The following RTN3 variants were observed in gnomAD, a reference collection of about 807,000 sequenced individuals.
RTN3 encodes the protein reticulon 3, also known as reticulon-3.
In RTN3, 49 loss-of-function variants were observed where a neutral mutation model predicts 77.8. The ratio of observed to expected loss-of-function variants is 0.63; its 90% CI spans 0.50 to 0.80. The LOEUF is 0.80. Ranked by LOEUF, RTN3 falls within the 30% of genes least tolerant of loss-of-function variation. The pLI is 0.00. For missense variants in RTN3, 1,236 were observed against 1,211.9 expected, an observed-to-expected ratio of 1.02 and a Z score of -0.29; for synonymous variants, 464 against 446.9, an observed-to-expected ratio of 1.04 and a Z score of -0.48.
At chr11:63,751,218 C>T (rs1452730070) in intron 4 of RTN3, among the ~76,000 whole-genome samples, 9 of 152,168 alleles carry the variant, frequency 5.9e-5, no homozygotes, top group East Asian at 3.8e-4. Context: ...CCTAGAGCAG[C>T]GCTCGGTTAG....
At chr11:63,750,265 T>A in intron 4 of RTN3, 67 bp downstream of exon 4, 1 of 1,323,026 alleles carries the variant, frequency 7.6e-7, no homozygotes, top group Non-Finnish European at 1.1e-6. Context: ...CTGATAGGTC[T>A]AAAACTCAGA....
chr11:63,750,123 C>G lies in RTN3; in HGVS notation c.2663C>G (p.Ser888Cys). 1.2e-6 allele frequency: 2 copies of G among 1,612,880 alleles called. No individual in the cohort carries two copies. The highest frequency in any genetic ancestry group is 1.7e-6 in the Non-Finnish European group (2 of 1,179,362). The change falls in exon 4 of 9, where the codon TCT (serine) becomes TGT (cysteine). Residue 888 changes from serine to cysteine, a missense_variant. By Grantham distance (112) the Ser-to-Cys change is moderately radical (BLOSUM62 -1). Around this residue, in one of 3 missense-constraint regions of RTN3, gnomAD observed 39 missense variants for 66.6 expected, o/e 0.59. Coordinates refer to ENST00000377819, the MANE Select transcript of RTN3 (RefSeq NM_001265589.2). ...VVSYLILALL[S>C]VTISFRIYKS... ...TCTTACCTCATCCTGGCTCTTCTCT[C>G]TGTCACCATCAGCTTCAGGATCTAC...
chr11:63,693,157 G>A (rs73492205), intron 1 of RTN3, among the ~76,000 whole-genome samples: 147 of 152,254 alleles, frequency 9.7e-4, no homozygotes, highest in African/African-American at 3.5e-3. Flanking sequence ...AAGAATGAGT[G>A]GAGAAACTCT....
intron 3 of RTN3, among the ~76,000 whole-genome samples, chr11:63,739,358 T>C (rs573708830): frequency 6.6e-6 from 1 of 152,346 alleles, no homozygotes; most frequent in East Asian, 1.9e-4. Context: ...CTTTTTATTT[T>C]TCCAGTACCT....
chr11:63,729,090 A>C (rs537467608), intron 3 of RTN3, among the ~76,000 whole-genome samples: 8 of 152,080 alleles, frequency 5.3e-5, no homozygotes, highest in African/African-American at 1.7e-4. Context: ...AACAAAAAAA[A>C]CAAAAAAACT....
At chr11:63,737,211 TAAAAAC>T (rs1463742515) in intron 3 of RTN3, among the ~76,000 whole-genome samples, 1 of 152,150 alleles carries the variant, frequency 6.6e-6, no homozygotes, top group East Asian at 1.9e-4. Flanking sequence ...TCTCTGAACA[TAAAAAC>T]TAAAACCAAA....
chr11:63,709,321 A>C (rs943315752), intron 2 of RTN3, among the ~76,000 whole-genome samples: 1 of 152,202 alleles, frequency 6.6e-6, no homozygotes, highest in Non-Finnish European at 1.5e-5. Context: ...TCAAAATCAA[A>C]CTGAAATTTT....
intron 4 of RTN3, among the ~76,000 whole-genome samples, chr11:63,750,641 G>A (rs891117704): frequency 6.6e-6 from 1 of 151,766 alleles, no homozygotes; most frequent in Non-Finnish European, 1.5e-5. Flanking sequence ...TACTAGATAC[G>A]GGGTTTCTCT....
chr11:63,735,510 C>G (rs1321966139), intron 3 of RTN3, among the ~76,000 whole-genome samples: 1 of 141,884 alleles, frequency 7.0e-6, no homozygotes, highest in Non-Finnish European at 1.5e-5. Flanking sequence ...TCACACTGAT[C>G]TATGGATTCA....
intron 1 of RTN3, among the ~76,000 whole-genome samples, chr11:63,685,347 T>C (rs1365526323): frequency 1.3e-5 from 2 of 151,126 alleles, no homozygotes; most frequent in Non-Finnish European, 2.9e-5. Flanking sequence ...AATACAAAAA[T>C]TAGCCGGGCA....
intron 1 of RTN3, among the ~76,000 whole-genome samples, chr11:63,688,677 A>T (rs749944142): frequency 5.3e-5 from 8 of 152,192 alleles, no homozygotes; most frequent in Non-Finnish European, 7.4e-5. Context: ...AGTGGCTGGT[A>T]AGAACCTCAG....
rs186295530 is a variant in RTN3 at position 63,755,776 on chromosome 11, G to A, written c.2995-336G>A. 6.3e-3 allele frequency among the ~76,000 whole-genome samples: 946 copies of A among 150,286 alleles called. 9 individuals are homozygous for A. The highest frequency in any genetic ancestry group is 0.021 in the African/African-American group (872 of 40,926). ...AGGTCGAGACCATCCTGGCTAACAC[G>A]GTGAAACCCCGTCTCTACTAAAAAT... On this transcript the variant is annotated intron_variant, in intron 7 of 8. Transcript: ENST00000377819.
chr11:63,755,251 C>T (rs1437646339), intron 7 of RTN3, among the ~76,000 whole-genome samples: 6 of 152,082 alleles, frequency 3.9e-5, no homozygotes, highest in Non-Finnish European at 7.4e-5. Context: ...AAATACTTAC[C>T]AAGTAAGACT....
At chr11:63,713,390 G>A (rs1039968286) in intron 2 of RTN3, among the ~76,000 whole-genome samples, 1 of 152,036 alleles carries the variant, frequency 6.6e-6, no homozygotes, top group Non-Finnish European at 1.5e-5. Context: ...GCTCACTGCA[G>A]CCTCGACCTC....
chr11:63,752,445 TACTGTGCTAACA>T, intron 4 of RTN3, 50 bp from the exon 5 acceptor site: 1 of 1,518,016 alleles, frequency 6.6e-7, no homozygotes. Context: ...TCTCAGTAAC[TACTGTGCTAACA>T]AAATCTTCTT....
intron 7 of RTN3, 114 bp downstream of exon 7, chr11:63,753,822 T>C: frequency 2.1e-6 from 2 of 967,804 alleles, no homozygotes; most frequent in Admixed American, 3.7e-5. Flanking sequence ...TTCTACAATC[T>C]AATTTTGTGA....
In RTN3 at chr11:63,681,553, C is replaced by T. The variant is rs543668001; in HGVS notation, c.-84C>T. 3.6e-6 allele frequency: 5 copies of T among 1,374,312 alleles called. No homozygotes were observed. The highest frequency in any genetic ancestry group is 2.7e-4 in the Middle Eastern group (1 of 3,726). 85.1% of individuals were successfully genotyped at this position (1,374,312 alleles called of 1,614,324 possible). A position where few individuals can be genotyped will look rare whatever the true frequency, so the allele number is the denominator to read the frequency against. ...GCGGAGTAAAGGGACTTGAGCGAGC[C>T]AGTTGCCGGATTATTCTATTTCCCC... On this transcript the variant is annotated 5_prime_UTR_variant, in exon 1 of 9. Coordinates refer to ENST00000377819, the MANE Select transcript of RTN3 (RefSeq NM_001265589.2).
chr11:63,694,596 C>T (rs569659302), intron 1 of RTN3, among the ~76,000 whole-genome samples: 6 of 152,162 alleles, frequency 3.9e-5, no homozygotes, highest in South Asian at 2.1e-4. Flanking sequence ...CCTCAGCCTC[C>T]GGAGTAGCTA....
chr11:63,700,880 A>G (rs745649836), intron 1 of RTN3, among the ~76,000 whole-genome samples: 2 of 151,848 alleles, frequency 1.3e-5, no homozygotes, highest in African/African-American at 2.4e-5. Context: ...TCACGAGGTC[A>G]GGACATCGAG....
Sources: gnomAD v4.1 joint callset for allele counts (sites outside exome capture counted in the v4.1 genomes callset) on GRCh38, gnomAD v4.1.1 for gene constraint, gnomAD v4.1.1 regional missense constraint, MANE v1.5 for transcripts, NCBI Gene and HGNC (gene_info 2026-07-23, HGNC 2026-07-21) for gene names.